ANO2: variants seen among roughly 807,000 people sequenced by gnomAD.
The protein encoded by ANO2 is anoctamin 2.
ANO2 carries 101 observed loss-of-function variants against 124.2 expected under a neutral mutation model. The observed-to-expected ratio is 0.81, with a 90% CI of 0.69 to 0.96. The LOEUF is 0.96. Ranked by LOEUF, ANO2 falls within the 40% of genes least tolerant of loss-of-function variation. The pLI, the probability that ANO2 is intolerant of heterozygous loss-of-function variation, is 0.00. For synonymous variants in ANO2, 486 were observed against 482.5 expected, an observed-to-expected ratio of 1.01 and a Z score of -0.09; for missense variants, 1,293 against 1,274.5, an observed-to-expected ratio of 1.01 and a Z score of -0.22.
intron 20 of ANO2, among the ~76,000 whole-genome samples, chr12:5,587,211 T>A (rs1943159398): frequency 6.6e-6 from 1 of 152,176 alleles, no homozygotes; most frequent in Admixed American, 6.5e-5. Context: ...AAGACACAAA[T>A]CTCACCCTCA....
chr12:5,639,638 A>G (rs1946228678), intron 15 of ANO2, among the ~76,000 whole-genome samples: 1 of 152,144 alleles, frequency 6.6e-6, no homozygotes, highest in Non-Finnish European at 1.5e-5. Flanking sequence ...AGGGTGTTTC[A>G]GGCAGGCAGT....
intron 3 of ANO2, among the ~76,000 whole-genome samples, chr12:5,919,975 G>A (rs555127858): frequency 1.3e-5 from 2 of 152,004 alleles, no homozygotes; most frequent in East Asian, 3.9e-4. Flanking sequence ...GGGATTACAG[G>A]CGTGAGTCAC....
chr12:5,736,157 G>A (rs558452326), intron 13 of ANO2, among the ~76,000 whole-genome samples: 2 of 152,350 alleles, frequency 1.3e-5, no homozygotes, highest in Admixed American at 1.3e-4. Flanking sequence ...CCCACAGGCA[G>A]ACCTGCACTG....
Position 5,613,189 on chromosome 12 carries a change from C to T in ANO2, c.1929-231G>A, listed in dbSNP as rs919984707. Among the ~76,000 whole-genome samples the T allele has an allele frequency of 9.2e-5, 14 of 152,178 alleles. No homozygotes were observed. In the East Asian group the frequency reaches 2.3e-3, roughly 25 times the overall value. ...TCAAATGTCAGACGATAGGAATAAGCTGGGCAGAGGATGAAGCTGGGCCTG... is the reference window on the plus strand; with the variant it reads ...TCAAATGTCAGACGATAGGAATAAGTTGGGCAGAGGATGAAGCTGGGCCTG... On this transcript the variant is annotated intron_variant, in intron 17 of 24. Coordinates refer to ENST00000682330, the MANE Select transcript of ANO2 (RefSeq NM_001364791.2).
intron 2 of ANO2, 22 bp downstream of exon 2, chr12:5,922,598 C>T: frequency 6.7e-7 from 1 of 1,501,610 alleles, no homozygotes; most frequent in Non-Finnish European, 8.9e-7. Flanking sequence ...ATCCCCCCAC[C>T]CCACCCCCGC....
intron 16 of ANO2, among the ~76,000 whole-genome samples, chr12:5,627,330 G>A (rs532226573): frequency 6.6e-6 from 1 of 152,284 alleles, no homozygotes; most frequent in South Asian, 2.1e-4. Context: ...GAGCCCCAGA[G>A]AGCCAGGATC....
At chr12:5,803,576 T>A (rs1349650540) in intron 9 of ANO2, among the ~76,000 whole-genome samples, 2 of 151,842 alleles carry the variant, frequency 1.3e-5, no homozygotes, top group Non-Finnish European at 2.9e-5. Flanking sequence ...CCTGAGCAGA[T>A]GGTGACAGCC....
At chr12:5,694,162 A>AT (rs917950556) in intron 14 of ANO2, among the ~76,000 whole-genome samples, 1 of 149,604 alleles carries the variant, frequency 6.7e-6, no homozygotes, top group Non-Finnish European at 1.5e-5. Context: ...ACTCTCCACT[A>AT]TAAAAAAATG....
chr12:5,733,628 C>A (rs1950736091), intron 13 of ANO2, among the ~76,000 whole-genome samples: 1 of 152,206 alleles, frequency 6.6e-6, no homozygotes, highest in African/African-American at 2.4e-5. Context: ...AGGCTTTTGA[C>A]CTGTCTCTGG....
intron 1 of ANO2, among the ~76,000 whole-genome samples, chr12:5,931,580 T>A (rs371038208): frequency 8.3e-6 from 1 of 120,344 alleles, no homozygotes; most frequent in African/African-American, 3.3e-5. Flanking sequence ...GGCAGACGAG[T>A]GAGGAAAGAA....
intron 16 of ANO2, among the ~76,000 whole-genome samples, chr12:5,621,480 G>A (rs969222528): frequency 3.7e-4 from 56 of 152,164 alleles, no homozygotes; most frequent in African/African-American, 1.1e-3. Flanking sequence ...CATAAGAGGC[G>A]GGGGTGCTGG....
At chr12:5,701,484 G>T (rs1487932027) in intron 14 of ANO2, among the ~76,000 whole-genome samples, 1 of 152,118 alleles carries the variant, frequency 6.6e-6, no homozygotes, top group Non-Finnish European at 1.5e-5. Context: ...TGTCCAGACA[G>T]GCTTTCCTGC....
chr12:5,644,102 A>G (rs1181834192), intron 15 of ANO2, among the ~76,000 whole-genome samples: 3 of 152,102 alleles, frequency 2.0e-5, no homozygotes, highest in Non-Finnish European at 4.4e-5. Flanking sequence ...CCCTACCCCA[A>G]GGTCATGAAA....
chr12:5,684,899 C>T (rs1016238214), intron 14 of ANO2, among the ~76,000 whole-genome samples: 9 of 152,188 alleles, frequency 5.9e-5, no homozygotes, highest in African/African-American at 2.2e-4. Context: ...GGCTCTACTG[C>T]TTATTAGCCT....
At chr12:5,622,870 G>A (rs372619766) in intron 16 of ANO2, among the ~76,000 whole-genome samples, 14 of 151,484 alleles carry the variant, frequency 9.2e-5, no homozygotes, top group East Asian at 2.0e-4. Flanking sequence ...AGGCTGAGGC[G>A]TGAAAATCTC....
chr12:5,899,440 G>T (rs1402962399), intron 3 of ANO2, among the ~76,000 whole-genome samples: 1 of 152,206 alleles, frequency 6.6e-6, no homozygotes, highest in Non-Finnish European at 1.5e-5. Context: ...AAGCAGTCCT[G>T]TGTCATGCAA....
At chr12:5,574,160 T>C (rs999475214) in intron 23 of ANO2, among the ~76,000 whole-genome samples, 4 of 152,254 alleles carry the variant, frequency 2.6e-5, no homozygotes, top group African/African-American at 7.2e-5. Flanking sequence ...TTCTGATTTA[T>C]ATATATGAGG....
chr12:5,678,404 C>A (rs1488554128), intron 14 of ANO2, among the ~76,000 whole-genome samples: 3 of 152,158 alleles, frequency 2.0e-5, no homozygotes, highest in Non-Finnish European at 4.4e-5. Context: ...ATCCTCAGGG[C>A]GCCAACTGGG....
rs1275136752 is a variant in ANO2, at chr12:5,917,565, CTTTTTTT to C, written c.534+3468_534+3474del. 8.5e-4 allele frequency among the ~76,000 whole-genome samples: 86 copies of C among 100,660 alleles called. 2 individuals are homozygous for C. Among genetic ancestry groups the C allele is most frequent in the Admixed American group, 7.6e-3 (76 of 10,044 alleles). 66.0% of individuals were successfully genotyped at this position (100,660 alleles called of 152,430 possible). A position where few individuals can be genotyped will look rare whatever the true frequency, so the allele number is the denominator to read the frequency against. On this transcript the variant is annotated intron_variant, in intron 3 of 24. Coordinates refer to ENST00000682330, the MANE Select transcript of ANO2 (RefSeq NM_001364791.2). ...TACTGTTATTATTATTCTCTTTTTT[CTTTTTTT>C]TTTTTTTTTTTTGGAGACAGGGTCT...
Sources: gnomAD v4.1 joint callset for allele counts (sites outside exome capture counted in the v4.1 genomes callset) on GRCh38, gnomAD v4.1.1 for gene constraint, MANE v1.5 for transcripts, NCBI Gene and HGNC (gene_info 2026-07-23, HGNC 2026-07-21) for gene names.